The following GALNT15 variants were observed in gnomAD, a reference collection of about 807,000 sequenced individuals.
GALNT15 encodes polypeptide N-acetylgalactosaminyltransferase 15.
Under a neutral mutation model 66.8 loss-of-function variants are expected in GALNT15, and 67 were observed. The ratio of observed to expected loss-of-function variants is 1.00; its 90% CI spans 0.82 to 1.23. The LOEUF (loss-of-function observed/expected upper bound fraction) is 1.23. Among genes scored for constraint, GALNT15 ranks in the 50% most tolerant of loss-of-function variants. GALNT15 has a pLI of 0.00. For synonymous variants in GALNT15, 313 were observed against 311.5 expected (o/e 1.00, Z -0.05); for missense variants, 827 against 804.3 (o/e 1.03, Z -0.34).
At chr3:16,235,466 A>G (rs2064120519), downstream of GALNT15, among the ~76,000 whole-genome samples, 1 of 152,214 alleles carries the variant, frequency 6.6e-6, no homozygotes, top group Non-Finnish European at 1.5e-5. Flanking sequence ...AGAAGTTAGG[A>G]GTGAAGTGCA....
intron 3 of GALNT15, among the ~76,000 whole-genome samples, chr3:16,206,402 G>T (rs1460647690): frequency 4.7e-5 from 7 of 150,396 alleles, no homozygotes; most frequent in African/African-American, 1.7e-4. Context: ...GGCCGGGCGC[G>T]ATGGTTCACG....
In GALNT15 at chr3:16,191,820, T is replaced by C. The variant is rs532093622; in HGVS notation, c.540-3940T>C. ...CCCAAAAGCTCTGAAGTGGACACTG[T>C]TGGGAAACCCAAACTTGAAAGTAGT... On this transcript the variant is annotated intron_variant, in intron 1 of 9. Transcript: ENST00000339732. The surrounding 1 kb of genome is among the most constrained non-coding windows in gnomAD (Gnocchi z 5.2). 1.3e-5 allele frequency among the ~76,000 whole-genome samples: 2 copies of C among 152,376 alleles called. No individual in the cohort carries two copies. The highest frequency in any genetic ancestry group is 3.9e-4 in the East Asian group (2 of 5,194).
In GALNT15 at chr3:16,229,212, T is replaced by A. The variant is rs2064055842; in HGVS notation, c.*1712T>A. ...CTATCATAACTACGTATTCATTGTCTACCTGCTAAGTCAAGGGTTCACTGC... is the reference window on the plus strand; with the variant it reads ...CTATCATAACTACGTATTCATTGTCAACCTGCTAAGTCAAGGGTTCACTGC... On this transcript the variant is annotated 3_prime_UTR_variant, in exon 10 of 10. Transcript: ENST00000339732. 1 of 985,304 alleles carries A rather than the reference T, an allele frequency of 1.0e-6. No homozygotes were observed. Among genetic ancestry groups the A allele is most frequent in the African/African-American group, 1.7e-5 (1 of 57,244 alleles). 61.0% of individuals were successfully genotyped at this position (985,304 alleles called of 1,614,324 possible).
rs1220715714 is a variant in GALNT15 at position 16,193,685 on chromosome 3, G to T, written c.540-2075G>T. On this transcript the variant is annotated intron_variant, in intron 1 of 9. Coordinates refer to ENST00000339732, the MANE Select transcript of GALNT15 (RefSeq NM_054110.5). The surrounding 1 kb of genome is among the most constrained non-coding windows in gnomAD (Gnocchi z 4.7). ...CAAGAGTTGGCACATCTTAGAAGGT[G>T]TTTCCCTCAGACAGGGCCAGCCTCA... Among the ~76,000 whole-genome samples the T allele has an allele frequency of 6.6e-6, 1 of 152,156 alleles. No individual in the cohort carries two copies. Among genetic ancestry groups the T allele is most frequent in the African/African-American group, 2.4e-5 (1 of 41,432 alleles).
At position 16,209,761 on chromosome 3, in the gene GALNT15, G is replaced by A. The variant is rs1260696525; in HGVS notation, c.1079+1091G>A. On this transcript the variant is annotated intron_variant, in intron 4 of 9. Coordinates refer to ENST00000339732, the MANE Select transcript of GALNT15 (RefSeq NM_054110.5). This position sits in a 1 kb window ranked among gnomAD's most constrained non-coding sequence, Gnocchi z 4.1. ...CACTGGAACCCAGGAGGCAGAGGTTGCAATGAGCTGAGACCACACTACTGC... is the reference window on the plus strand; with the variant it reads ...CACTGGAACCCAGGAGGCAGAGGTTACAATGAGCTGAGACCACACTACTGC... Among the ~76,000 whole-genome samples the A allele has an allele frequency of 6.6e-6, 1 of 152,182 alleles. No individual in the cohort carries two copies. The highest frequency in any genetic ancestry group is 1.5e-5 in the Non-Finnish European group (1 of 68,036).
intron 1 of GALNT15, among the ~76,000 whole-genome samples, chr3:16,179,118 A>G (rs1366708310): frequency 6.6e-6 from 1 of 152,230 alleles, no homozygotes; most frequent in African/African-American, 2.4e-5. Flanking sequence ...AAAAGAGGTC[A>G]AAAGACAGTC....
chr3:16,211,493 A>G lies in GALNT15; in HGVS notation c.1197+252A>G, dbSNP rs2063814286. Among the ~76,000 whole-genome samples, 1 of 152,150 alleles carries G rather than the reference A, an allele frequency of 6.6e-6. No individual in the cohort carries two copies. Among genetic ancestry groups the G allele is most frequent in the East Asian group, 1.9e-4 (1 of 5,188 alleles). ...AATAGGCATACTCTCAGTTATTTTAACTGCTGTGCGGAGATTCCAGAGGCT... is the reference window on the plus strand; with the variant it reads ...AATAGGCATACTCTCAGTTATTTTAGCTGCTGTGCGGAGATTCCAGAGGCT... On this transcript the variant is annotated intron_variant, in intron 5 of 9. Coordinates refer to ENST00000339732, the MANE Select transcript of GALNT15 (RefSeq NM_054110.5). The surrounding 1 kb of genome is among the most constrained non-coding windows in gnomAD (Gnocchi z 4.3).
chr3:16,230,860 A>C (rs902586144), downstream of GALNT15, among the ~76,000 whole-genome samples: 25 of 152,314 alleles, frequency 1.6e-4, no homozygotes, highest in African/African-American at 6.0e-4. This position sits in a 1 kb window ranked among gnomAD's most constrained non-coding sequence, Gnocchi z 4.5. Context: ...AGGAGGTGCT[A>C]TTTCCAGAAT....
chr3:16,179,835 C>A (rs1293343291), intron 1 of GALNT15, among the ~76,000 whole-genome samples: 1 of 152,090 alleles, frequency 6.6e-6, no homozygotes. Context: ...TAGAGAAGAG[C>A]CCATGATGGA....
At chr3:16,205,017 C>G (rs926285144) in intron 3 of GALNT15, among the ~76,000 whole-genome samples, 2 of 152,186 alleles carry the variant, frequency 1.3e-5, no homozygotes, top group African/African-American at 4.8e-5. Context: ...CTCCTGCCCC[C>G]CCAGAGGGAG....
In GALNT15 at chr3:16,205,615, G is replaced by A. The variant is rs563400616; in HGVS notation, c.912-2888G>A. Among the ~76,000 whole-genome samples, 2 of 152,332 alleles carry A rather than the reference G, an allele frequency of 1.3e-5. 1 individual carries two copies. Among genetic ancestry groups the A allele is most frequent in the Admixed American group, 1.3e-4 (2 of 15,306 alleles). On this transcript the variant is annotated intron_variant, in intron 3 of 9. Transcript: ENST00000339732. ...CTTCCAAGTCAAACGAGGTCAGCTC[G>A]CTATTTTGCTTGACGTGAATTCCAA...
Position 16,189,150 on chromosome 3 carries a change from G to A in GALNT15, c.540-6610G>A, listed in dbSNP as rs772954533. 6.6e-5 allele frequency among the ~76,000 whole-genome samples: 10 copies of A among 152,184 alleles called. No individual in the cohort carries two copies. The highest frequency in any genetic ancestry group is 5.8e-4 in the East Asian group (3 of 5,198). ...AAGAAGATTGGAGAGCTTTGCTCCC[G>A]GTGGCAGCCTGAATCACAGGAAACA... On this transcript the variant is annotated intron_variant, in intron 1 of 9. Coordinates refer to ENST00000339732, the MANE Select transcript of GALNT15 (RefSeq NM_054110.5). The surrounding 1 kb of genome is among the most constrained non-coding windows in gnomAD (Gnocchi z 5.1).
Position 16,221,256 on chromosome 3 carries a change from CT to C in GALNT15, c.1629+1257del, listed in dbSNP as rs60472018. On this transcript the variant is annotated intron_variant, in intron 8 of 9. Transcript: ENST00000339732. ...AAAGGAATATTAGCTCTTTCTTGTT[CT>C]TTTTTTTTTTTTTTGAAATAGTAAG... 3.5e-3 allele frequency among the ~76,000 whole-genome samples: 494 copies of C among 140,222 alleles called. 1 individual carries two copies. Among genetic ancestry groups the C allele is most frequent in the African/African-American group, 5.3e-3 (201 of 38,156 alleles). 92.0% of individuals were successfully genotyped at this position (140,222 alleles called of 152,430 possible).
Position 16,175,604 on chromosome 3 carries a change from G to A in GALNT15, c.453G>A (p.Pro151=), listed in dbSNP as rs148386132. The A allele has an allele frequency of 3.5e-4, 563 of 1,613,374 alleles. 2 individuals are homozygous for A. The highest frequency in any genetic ancestry group is 3.8e-4 in the Admixed American group (23 of 60,010). Residue 151 remains proline (P), a synonymous_variant, in exon 1 of 10, where the codon CCG becomes CCA. Coordinates refer to ENST00000339732, the MANE Select transcript of GALNT15 (RefSeq NM_054110.5). The surrounding 1 kb of genome is among the most constrained non-coding windows in gnomAD (Gnocchi z 5.6). ...TGTCTGAAGAAGAGGAGTTGACCCC[G>A]TTCAGCCTGGACCCACGTGGCCTCC... ...GEVSEEEELT[P]FSLDPRGLQE... is the part of the protein sequence containing the mutation.
rs956444927 is a variant in GALNT15, at chr3:16,228,689, T to G, written c.*1189T>G. 4 of 984,794 alleles carry G rather than the reference T, an allele frequency of 4.1e-6. No individual in the cohort carries two copies. In the African/African-American group the frequency reaches 7.0e-5, roughly 17 times the overall value. 61.0% of individuals were successfully genotyped at this position (984,794 alleles called of 1,614,324 possible). A position where few individuals can be genotyped will look rare whatever the true frequency, so the allele number is the denominator to read the frequency against. Reference sequence around the variant, plus strand: ...CTCTCCTGATGCCCTGTTACAGGGTTTGCACTGACTGGAGCAGAAACAGCA... The same window carrying G: ...CTCTCCTGATGCCCTGTTACAGGGTGTGCACTGACTGGAGCAGAAACAGCA... On this transcript the variant is annotated 3_prime_UTR_variant, in exon 10 of 10. Coordinates refer to ENST00000339732, the MANE Select transcript of GALNT15 (RefSeq NM_054110.5).
chr3:16,240,926 T>G, the GALNT15 span, among the ~76,000 whole-genome samples: 1 of 152,268 alleles, frequency 6.6e-6, no homozygotes, highest in African/African-American at 2.4e-5. Flanking sequence ...CACCAAAGTT[T>G]TTGTAGTTCC....
At chr3:16,217,828 G>C (rs2063895688) in intron 6 of GALNT15, among the ~76,000 whole-genome samples, 1 of 152,180 alleles carries the variant, frequency 6.6e-6, no homozygotes, top group South Asian at 2.1e-4. Context: ...CCAACTCTGG[G>C]AAAGGTCTAC....
chr3:16,208,645 C>G lies in GALNT15; in HGVS notation c.1054C>G (p.Leu352Val). 1 of 1,614,072 alleles carries G rather than the reference C, an allele frequency of 6.2e-7. No individual in the cohort carries two copies. The highest frequency in any genetic ancestry group is 1.3e-5 in the African/African-American group (1 of 75,026). The stretch of plus-strand genomic sequence containing the variant: ...TTTGCCAGAGCATGTGAGGAAGGCC[C>G]TCCAGTCCCCCATAAGCCCCATCAG... ...EPLPEHVRKALQSPISPIRSP... is the reference protein window; with the variant it reads ...EPLPEHVRKAVQSPISPIRSP... The change falls in exon 4 of 10, where the codon CTC (leucine) becomes GTC (valine). Residue 352 changes from leucine to valine, a missense_variant. Transcript: ENST00000339732.
At chr3:16,212,871 T>C in intron 6 of GALNT15, 108 bp downstream of exon 6, 1 of 960,808 alleles carries the variant, frequency 1.0e-6, no homozygotes, top group Non-Finnish European at 1.5e-6. Flanking sequence ...CAGAAGATTC[T>C]GGCTTGAGCT....
Sources: gnomAD v4.1 joint callset for allele counts (sites outside exome capture counted in the v4.1 genomes callset) on GRCh38, gnomAD v4.1.1 for gene constraint, Gnocchi (gnomAD v3.1) non-coding constraint, MANE v1.5 for transcripts, NCBI Gene and HGNC (gene_info 2026-07-23, HGNC 2026-07-21) for gene names.